Variants in ARMC8 observed in about 807,000 individuals in gnomAD.
ARMC8 encodes armadillo repeat-containing protein 8.
Under a neutral mutation model 99.3 loss-of-function variants are expected in ARMC8, and 20 were observed. That is an observed-to-expected ratio of 0.20 (90% CI 0.14 to 0.29). The LOEUF (loss-of-function observed/expected upper bound fraction) is 0.29, where lower values mean the gene tolerates loss of function less well. ARMC8 is among the 10% of genes least tolerant of loss of function. The pLI is 1.00. For synonymous variants in ARMC8, 263 were observed against 278.3 expected (o/e 0.95, Z 0.55); for missense variants, 569 against 809.5 (o/e 0.70, Z 3.60).
chr3:138,229,160 A>ATGTATATGTATATGTATATGTATATG (rs1186374905), intron 6 of ARMC8, 150 bp downstream of exon 6: 1 of 70,908 alleles, frequency 1.4e-5, no homozygotes, highest in African/African-American at 6.1e-5. Context: ...ATATATATAT[A>ATGTATATGTATATGTATATGTATATG]TATATATATA....
chr3:138,263,489 A>C (rs1027298971), intron 12 of ARMC8: 12 of 502,904 alleles, frequency 2.4e-5, no homozygotes, highest in Middle Eastern at 5.5e-4. Context: ...TTTTGTGTTA[A>C]ATGTCTTTAA....
At position 138,289,253 on chromosome 3, in the gene ARMC8, G is replaced by A. The variant is rs1435629905; in HGVS notation, c.1894+133G>A. On this transcript the variant is annotated intron_variant, in intron 20 of 21. Transcript: ENST00000469044. ...CCATCTGGCCCAAGCACCCTCTAGAGTTGCCCTGGTATGAGAATCAGTGGA... is the reference window on the plus strand; with the variant it reads ...CCATCTGGCCCAAGCACCCTCTAGAATTGCCCTGGTATGAGAATCAGTGGA... 5 of 675,884 alleles carry A rather than the reference G, an allele frequency of 7.4e-6. No homozygotes were observed. In the African/African-American group the frequency reaches 9.1e-5, roughly 12 times the overall value. 41.9% of individuals were successfully genotyped at this position (675,884 alleles called of 1,614,324 possible).
At chr3:138,243,771 G>C (rs2046746439) in intron 11 of ARMC8, among the ~76,000 whole-genome samples, 1 of 152,128 alleles carries the variant, frequency 6.6e-6, no homozygotes, top group African/African-American at 2.4e-5. Flanking sequence ...CATTGATCAA[G>C]CTATACCACT....
intron 20 of ARMC8, 45 bp downstream of exon 20, chr3:138,289,165 G>A: frequency 6.7e-7 from 1 of 1,495,508 alleles, no homozygotes; most frequent in Admixed American, 1.8e-5. Flanking sequence ...TATGGGAAGA[G>A]TGTCTTGCAC....
chr3:138,274,686 C>CT, intron 18 of ARMC8, 142 bp downstream of exon 18: 1 of 640,428 alleles, frequency 1.6e-6, no homozygotes. Context: ...AAATATCTTC[C>CT]ACCATCCCTT....
chr3:138,229,161 T>TATATATATATATATATAC, intron 6 of ARMC8, 151 bp downstream of exon 6: 2 of 74,464 alleles, frequency 2.7e-5, no homozygotes, highest in African/African-American at 1.2e-4. Flanking sequence ...TATATATATA[T>TATATATATATATATATAC]ATATATATAT....
chr3:138,278,282 G>A (rs1252052506), intron 18 of ARMC8, among the ~76,000 whole-genome samples: 1 of 152,058 alleles, frequency 6.6e-6, no homozygotes, highest in African/African-American at 2.4e-5. Flanking sequence ...TGAGGCAGGC[G>A]GATCACTTGA....
chr3:138,274,206 A>G (rs186435076), intron 17 of ARMC8, among the ~76,000 whole-genome samples: 43 of 151,174 alleles, frequency 2.8e-4, no homozygotes, highest in South Asian at 6.3e-4. Flanking sequence ...TTATGTATGT[A>G]TGTATGTATG....
At chr3:138,195,707 C>T (rs1354669333) in intron 1 of ARMC8, among the ~76,000 whole-genome samples, 1 of 152,080 alleles carries the variant, frequency 6.6e-6, no homozygotes, top group Non-Finnish European at 1.5e-5. Context: ...AAAAACAAAG[C>T]TCCTATTATC....
Position 138,187,614 on chromosome 3 carries a change from G to GCGGCCGCC in ARMC8, c.45+18_45+25dup. 1 of 1,535,458 alleles carries GCGGCCGCC rather than the reference G, an allele frequency of 6.5e-7. No homozygotes were observed. Among genetic ancestry groups the GCGGCCGCC allele is most frequent in the Non-Finnish European group, 8.7e-7 (1 of 1,146,400 alleles). ...GCGTCCTTTCGGTGAGTGACCCGCC[G>GCGGCCGCC]CGGCCGCCCGCCCGCCCTCCAGGAA... On this transcript the variant is annotated intron_variant, in intron 1 of 21. Coordinates refer to ENST00000469044, the MANE Select transcript of ARMC8 (RefSeq NM_001363941.2).
At chr3:138,256,529 G>A (rs2108234075) in intron 12 of ARMC8, among the ~76,000 whole-genome samples, 1 of 148,198 alleles carries the variant, frequency 6.7e-6, no homozygotes, top group African/African-American at 2.5e-5. Context: ...TCCCGCCTCA[G>A]CTTCCCGAGT....
At chr3:138,288,330 A>G (rs1347915304) in intron 19 of ARMC8, among the ~76,000 whole-genome samples, 23 of 152,250 alleles carry the variant, frequency 1.5e-4, no homozygotes, top group Admixed American at 1.5e-3. Context: ...CACCCAGTGT[A>G]TGTTGGCTGT....
chr3:138,221,417 A>C (rs534672274), intron 2 of ARMC8, among the ~76,000 whole-genome samples: 4 of 152,242 alleles, frequency 2.6e-5, no homozygotes, highest in Non-Finnish European at 4.4e-5. Flanking sequence ...GATAAATTAA[A>C]AGATGCATTG....
chr3:138,275,403 CA>C (rs1332641286), intron 18 of ARMC8, among the ~76,000 whole-genome samples: 14 of 152,038 alleles, frequency 9.2e-5, no homozygotes, highest in East Asian at 5.8e-4. Context: ...TAAAAAAATA[CA>C]AAAAATTAGC....
intron 18 of ARMC8, among the ~76,000 whole-genome samples, chr3:138,280,028 C>T (rs2049724532): frequency 6.6e-6 from 1 of 151,800 alleles, no homozygotes; most frequent in African/African-American, 2.4e-5. Context: ...CTCCACCTCC[C>T]AAGTAGCTGG....
At chr3:138,246,683 C>A in intron 12 of ARMC8, 1 of 984,538 alleles carries the variant, frequency 1.0e-6, no homozygotes, top group Non-Finnish European at 1.2e-6. Context: ...ATTTGTACTT[C>A]TTTGTACTTT....
rs1283974733 is a variant in ARMC8 at position 138,255,223 on chromosome 3, G to T, written c.1135-8516G>T. 7.1e-5 allele frequency among the ~76,000 whole-genome samples: 9 copies of T among 126,410 alleles called. No individual in the cohort carries two copies. The East Asian group carries it at 1.4e-3, about 20-fold the overall frequency. 82.9% of individuals were successfully genotyped at this position (126,410 alleles called of 152,430 possible). A position where few individuals can be genotyped will look rare whatever the true frequency, so the allele number is the denominator to read the frequency against. On this transcript the variant is annotated intron_variant, in intron 12 of 21. Transcript: ENST00000469044. ...TTTTTTTTGTTTTTTTTTTTTTTGA[G>T]ATGGAGTCTCGCTCTGTTGCCCAGG...
chr3:138,201,750 C>T (rs569341980), intron 1 of ARMC8, among the ~76,000 whole-genome samples: 1 of 152,140 alleles, frequency 6.6e-6, no homozygotes, highest in Non-Finnish European at 1.5e-5. Flanking sequence ...TGGGCCACTG[C>T]GCCCGACCTT....
intron 1 of ARMC8, among the ~76,000 whole-genome samples, chr3:138,192,106 A>G (rs1182063895): frequency 6.6e-6 from 1 of 152,096 alleles, no homozygotes; most frequent in Non-Finnish European, 1.5e-5. Context: ...TTACATTTCT[A>G]CCAGTAATAT....
Sources: allele counts gnomAD v4.1 joint callset (sites outside exome capture counted in the v4.1 genomes callset), GRCh38; gene constraint gnomAD v4.1.1; transcripts MANE v1.5; gene names NCBI Gene and HGNC (gene_info 2026-07-23, HGNC 2026-07-21).